Variants in SNAPC3 observed in about 807,000 individuals in gnomAD.
SNAPC3 encodes the protein snRNA-activating protein complex subunit 3.
In SNAPC3, 56 loss-of-function variants were observed where a neutral mutation model predicts 47.7. The observed-to-expected ratio is 1.18, with a 90% CI of 0.95 to 1.47. SNAPC3 has a LOEUF of 1.47. Ranked by LOEUF, SNAPC3 falls within the 40% of genes most tolerant of loss-of-function variation. The pLI is 0.00. For missense variants in SNAPC3, 665 were observed against 511.3 expected, an observed-to-expected ratio of 1.30 and a Z score of -2.90; for synonymous variants, 235 against 189.9, an observed-to-expected ratio of 1.24 and a Z score of -1.95.
At chr9:15,452,471 A>C (rs1365378692) in intron 6 of SNAPC3, among the ~76,000 whole-genome samples, 1 of 152,020 alleles carries the variant, frequency 6.6e-6, no homozygotes, top group Non-Finnish European at 1.5e-5. Context: ...GGCAGGCACC[A>C]CCACGCCCGG....
intron 5 of SNAPC3, 103 bp from the exon 6 acceptor site, chr9:15,451,217 T>TA (rs760762745): frequency 1.5e-4 from 70 of 456,138 alleles, no homozygotes; most frequent in Admixed American, 2.7e-4. Flanking sequence ...TTTTAACACA[T>TA]ATTAGTGTGA....
At chr9:15,431,677 C>T (rs980208302) in intron 2 of SNAPC3, among the ~76,000 whole-genome samples, 1 of 152,098 alleles carries the variant, frequency 6.6e-6, no homozygotes, top group African/African-American at 2.4e-5. Flanking sequence ...GGGAGTGACA[C>T]TTTTGACTCT....
intron 4 of SNAPC3, among the ~76,000 whole-genome samples, chr9:15,445,761 C>G (rs1449342636): frequency 6.6e-6 from 1 of 152,074 alleles, no homozygotes; most frequent in African/African-American, 2.4e-5. Context: ...TCAGCCTAGA[C>G]AAAGTGGCAA....
chr9:15,462,296 A>G (rs1036322575), downstream of SNAPC3: 5 of 152,170 alleles, frequency 3.3e-5, no homozygotes, highest in Non-Finnish European at 7.4e-5. Flanking sequence ...TCAGGTACCT[A>G]TTATTGTTCC....
At chr9:15,456,933 T>A (rs533487437) in intron 7 of SNAPC3, among the ~76,000 whole-genome samples, 17 of 152,332 alleles carry the variant, frequency 1.1e-4, no homozygotes, top group African/African-American at 3.6e-4. Context: ...GGTGAAAGTT[T>A]TAATTTTAAA....
chr9:15,459,068 CTT>C (rs778328487), intron 8 of SNAPC3, among the ~76,000 whole-genome samples: 23 of 152,132 alleles, frequency 1.5e-4, no homozygotes, highest in Admixed American at 3.3e-4. Context: ...CCACAATATT[CTT>C]TTCTGAAAGA....
At chr9:15,435,826 T>G (rs1413571236) in intron 3 of SNAPC3, among the ~76,000 whole-genome samples, 1 of 143,370 alleles carries the variant, frequency 7.0e-6, no homozygotes, top group Non-Finnish European at 1.5e-5. Context: ...TATGTTGTCT[T>G]TTTACTTACT....
chr9:15,436,207 T>A (rs2032787251), intron 3 of SNAPC3, among the ~76,000 whole-genome samples: 1 of 152,244 alleles, frequency 6.6e-6, no homozygotes, highest in African/African-American at 2.4e-5. Flanking sequence ...AAGTCTAGTT[T>A]ATCTTTTTCT....
chr9:15,422,970 G>A lies in SNAPC3; in HGVS notation c.91G>A (p.Glu31Lys), dbSNP rs1447530433. The change falls in exon 1 of 9, where the codon GAG (glutamate) becomes AAG (lysine). Residue 31 changes from glutamate (E) to lysine (K), a missense_variant. Coordinates refer to ENST00000380821, the MANE Select transcript of SNAPC3 (RefSeq NM_001039697.2). The part of the protein sequence containing the change: ...VSGSGGCNFP[E>K]YELPELNTRA... ...CGGCAGTGGCGGCTGCAACTTTCCA[G>A]AGTATGAGCTTCCCGAGCTAAATAC... 100 of 1,541,252 alleles carry A rather than the reference G, an allele frequency of 6.5e-5. No homozygotes were observed. Among genetic ancestry groups the A allele is most frequent in the Non-Finnish European group, 8.3e-5 (96 of 1,150,096 alleles).
chr9:15,451,132 CA>C (rs1263638927), intron 5 of SNAPC3, among the ~76,000 whole-genome samples, 187 bp from the exon 6 acceptor site: 2 of 152,022 alleles, frequency 1.3e-5, no homozygotes, highest in African/African-American at 4.8e-5. Context: ...TCATGAATCT[CA>C]GGAGAATATA....
chr9:15,451,225 T>C, intron 5 of SNAPC3, 95 bp from the exon 6 acceptor site: 1 of 473,382 alleles, frequency 2.1e-6, no homozygotes, highest in Middle Eastern at 5.6e-4. Context: ...CATATTAGTG[T>C]GATTTTATGA....
intron 3 of SNAPC3, among the ~76,000 whole-genome samples, chr9:15,436,887 G>A (rs1001189752): frequency 2.7e-5 from 4 of 146,364 alleles, no homozygotes; most frequent in Admixed American, 2.1e-4. Context: ...GCAATGGTGC[G>A]ATCTTGGCTC....
chr9:15,442,926 C>G (rs1216724004), intron 3 of SNAPC3, among the ~76,000 whole-genome samples: 1 of 152,174 alleles, frequency 6.6e-6, no homozygotes, highest in Non-Finnish European at 1.5e-5. Context: ...CCCGGCACCT[C>G]GGGAGGCTGA....
At chr9:15,462,513 T>C (rs1209645094), downstream of SNAPC3, 1 of 152,236 alleles carries the variant, frequency 6.6e-6, no homozygotes, top group Non-Finnish European at 1.5e-5. Flanking sequence ...TTCAATCAAA[T>C]GTAACACGCC....
downstream of SNAPC3, chr9:15,463,591 A>G (rs909465280): frequency 6.6e-6 from 1 of 152,096 alleles, no homozygotes; most frequent in Non-Finnish European, 1.5e-5. Flanking sequence ...CCACACACAC[A>G]AATTGAGCCA....
chr9:15,436,634 A>T (rs1190128451), intron 3 of SNAPC3, among the ~76,000 whole-genome samples: 1 of 152,152 alleles, frequency 6.6e-6, no homozygotes, highest in Non-Finnish European at 1.5e-5. Flanking sequence ...GAGTCCCTTG[A>T]AATTCCCTAT....
rs368116119 is a variant in SNAPC3 at position 15,441,874 on chromosome 9, T to A, written c.478-2728T>A. ...CCTTTTCTATTCGACAAAACCGCCA[T>A]CGTCATCATGGCCCGTTCTCAATGA... On this transcript the variant is annotated intron_variant, in intron 3 of 8. Transcript: ENST00000380821. 1.1e-3 allele frequency among the ~76,000 whole-genome samples: 171 copies of A among 152,316 alleles called. 4 individuals carry two copies. The East Asian group carries it at 0.022, about 20-fold the overall frequency.
chr9:15,439,280 A>G (rs1011728399), intron 3 of SNAPC3, among the ~76,000 whole-genome samples: 3 of 152,136 alleles, frequency 2.0e-5, no homozygotes, highest in Non-Finnish European at 4.4e-5. Flanking sequence ...CATGCTTCTT[A>G]TGTTTTAGAG....
Position 15,460,090 on chromosome 9 carries a change from T to G in SNAPC3, c.*224T>G, listed in dbSNP as rs1014007417. ...TTCCAGATAGTATTTAATTTAGTGC[T>G]TTTTACCCATTTTGAGTTGAGTTGT... is the stretch of plus-strand genomic sequence containing the variant. On this transcript the variant is annotated 3_prime_UTR_variant, in exon 9 of 9. Coordinates refer to ENST00000380821, the MANE Select transcript of SNAPC3 (RefSeq NM_001039697.2). 1 of 344,544 alleles carries G rather than the reference T, an allele frequency of 2.9e-6. No individual in the cohort carries two copies. The highest frequency in any genetic ancestry group is 2.1e-5 in the African/African-American group (1 of 47,482). 21.3% of individuals were successfully genotyped at this position (344,544 alleles called of 1,614,324 possible). A position where few individuals can be genotyped will look rare whatever the true frequency, so the allele number is the denominator to read the frequency against.
Sources: gnomAD v4.1 joint callset for allele counts (sites outside exome capture counted in the v4.1 genomes callset) on GRCh38, gnomAD v4.1.1 for gene constraint, MANE v1.5 for transcripts, NCBI Gene and HGNC (gene_info 2026-07-23, HGNC 2026-07-21) for gene names.